Variants in NEBL observed in about 807,000 individuals in gnomAD.
NEBL encodes nebulette.
A neutral mutation model predicts 140.2 loss-of-function variants in NEBL; 122 were observed. That is an observed-to-expected ratio of 0.87 (90% CI 0.75 to 1.01). The LOEUF is 1.01. Ranked by LOEUF, NEBL falls within the 50% of genes least tolerant of loss-of-function variation. The probability of loss-of-function intolerance (pLI) is 0.00; values close to 1 mark genes in which losing one functional copy is unlikely to be tolerated. For synonymous variants in NEBL, 436 were observed against 398.9 expected (o/e 1.09, Z -1.11); for missense variants, 1,365 against 1,231.3 (o/e 1.11, Z -1.62).
intron 4 of NEBL, among the ~76,000 whole-genome samples, chr10:20,955,312 T>C (rs771150483): frequency 6.6e-6 from 1 of 152,182 alleles, no homozygotes; most frequent in Non-Finnish European, 1.5e-5. Flanking sequence ...GAGAATATGA[T>C]GTGTGAAATG....
chr10:20,819,377 AAT>A (rs1207951112), intron 20 of NEBL, 45 bp downstream of exon 20: 4 of 1,613,006 alleles, frequency 2.5e-6, no homozygotes, highest in Non-Finnish European at 3.4e-6. Context: ...TTTAAATAAA[AAT>A]ATGTTATGTT....
chr10:20,805,575 AG>A (rs1837537558), intron 26 of NEBL, among the ~76,000 whole-genome samples: 1 of 152,158 alleles, frequency 6.6e-6, no homozygotes, highest in Non-Finnish European at 1.5e-5. Context: ...CTTTTTGGCC[AG>A]GCACAGTGGC....
chr10:21,050,902 C>T (rs1393889584), intron 2 of NEBL, among the ~76,000 whole-genome samples: 1 of 152,184 alleles, frequency 6.6e-6, no homozygotes, highest in East Asian at 1.9e-4. Context: ...AATAATGCTT[C>T]AGATTCCCTG....
At chr10:20,908,456 C>T (rs1454781832) in intron 4 of NEBL, among the ~76,000 whole-genome samples, 4 of 152,086 alleles carry the variant, frequency 2.6e-5, no homozygotes, top group Non-Finnish European at 4.4e-5. Flanking sequence ...CCCCCATGGG[C>T]GTTAGAAGCA....
intron 3 of NEBL, among the ~76,000 whole-genome samples, chr10:20,994,156 T>G (rs561762993): frequency 6.6e-6 from 1 of 152,358 alleles, no homozygotes; most frequent in South Asian, 2.1e-4. Context: ...AGCTAAATCA[T>G]GTTTTCTCAC....
At chr10:20,891,424 T>C (rs1158638012) in intron 2 of NEBL, among the ~76,000 whole-genome samples, 2 of 152,230 alleles carry the variant, frequency 1.3e-5, no homozygotes, top group African/African-American at 4.8e-5. Flanking sequence ...GAGAAAAAAG[T>C]ATCTCCGTTA....
chr10:21,286,710 T>C (rs534801218), intron 1 of NEBL, among the ~76,000 whole-genome samples: 11 of 152,116 alleles, frequency 7.2e-5, no homozygotes, highest in Non-Finnish European at 1.5e-4. Context: ...GGTGGGCACC[T>C]GTAGTCCCAG....
At chr10:21,030,903 T>C (rs654717) in intron 2 of NEBL, 155,077 of 262,434 alleles carry the variant, frequency 0.59, 46,201 homozygotes, top group East Asian at 0.69. Flanking sequence ...TCAAAAATGG[T>C]ATCTGAAAGA....
intron 2 of NEBL, among the ~76,000 whole-genome samples, chr10:21,044,544 G>C (rs1211307420): frequency 1.3e-5 from 2 of 150,976 alleles, no homozygotes; most frequent in African/African-American, 4.9e-5. Flanking sequence ...CTGTAGCCAA[G>C]TATTTAAATA....
intron 2 of NEBL, among the ~76,000 whole-genome samples, chr10:21,123,451 T>A (rs544644831): frequency 3.3e-5 from 5 of 152,352 alleles, no homozygotes; most frequent in Non-Finnish European, 7.3e-5. Flanking sequence ...ACTTTATTCA[T>A]ACACTGAAGA....
At chr10:21,172,340 C>T (rs56146667) in intron 2 of NEBL, 9 of 1,493,778 alleles carry the variant, frequency 6.0e-6, no homozygotes, top group Non-Finnish European at 8.4e-6. Context: ...CTCTCAAGCT[C>T]TGAGGCTGTG....
At chr10:20,999,909 T>G (rs537861141) in intron 3 of NEBL, among the ~76,000 whole-genome samples, 61 of 152,158 alleles carry the variant, frequency 4.0e-4, no homozygotes, top group African/African-American at 1.4e-3. Flanking sequence ...TGCTGATGTT[T>G]GAGAAAAGAT....
At chr10:20,914,969 A>ATTTTTTTTTTTTTTTTTTTTTTTTTTT (rs71390798) in intron 4 of NEBL, among the ~76,000 whole-genome samples, 63 of 111,198 alleles carry the variant, frequency 5.7e-4, no homozygotes, top group East Asian at 3.9e-3. Flanking sequence ...AGTGGCTGGG[A>ATTTTTTTTTTTTTTTTTTTTTTTTTTT]TTTTTTTTTT....
chr10:20,801,337 TGAGTA>T (rs1379308839), intron 26 of NEBL, among the ~76,000 whole-genome samples: 2 of 151,988 alleles, frequency 1.3e-5, no homozygotes, highest in Non-Finnish European at 2.9e-5. Context: ...CTCAGCCTCC[TGAGTA>T]GCTGGGATTA....
rs368405954 is a variant in NEBL, at chr10:21,089,048, AGAG to A, written c.165-68850_165-68848del. Among the ~76,000 whole-genome samples, 37 of 152,326 alleles carry A rather than the reference AGAG, an allele frequency of 2.4e-4. No individual in the cohort carries two copies. In the East Asian group the frequency reaches 3.9e-3, roughly 16 times the overall value. ...CAATGAGGAGAGATGGTGCAGTGAC[AGAG>A]GAGACAGAAAAAGGGAGGCAGAACA... On this transcript the variant is annotated intron_variant, in intron 2 of 6. Coordinates refer to the NEBL transcript ENST00000417816.
chr10:21,025,690 A>G (rs1005467463), intron 2 of NEBL, among the ~76,000 whole-genome samples: 4 of 152,190 alleles, frequency 2.6e-5, no homozygotes, highest in Non-Finnish European at 4.4e-5. Context: ...TTATAGGAGC[A>G]CAGGAGTCAA....
chr10:20,814,090 A>T (rs1326959672), intron 22 of NEBL, 47 bp from the exon 23 acceptor site: 4 of 1,168,770 alleles, frequency 3.4e-6, no homozygotes, highest in Middle Eastern at 1.9e-4. Context: ...AAAACACATG[A>T]TGTAACATTT....
chr10:20,903,251 A>G (rs550919252), intron 4 of NEBL, among the ~76,000 whole-genome samples: 1 of 152,354 alleles, frequency 6.6e-6, no homozygotes, highest in African/African-American at 2.4e-5. Flanking sequence ...CAAATGGCTC[A>G]CATATGAAAA....
At chr10:20,924,854 A>C (rs1833812434) in intron 4 of NEBL, among the ~76,000 whole-genome samples, 2 of 152,008 alleles carry the variant, frequency 1.3e-5, no homozygotes, top group South Asian at 2.1e-4. Context: ...TGGCGCTATA[A>C]AACTGCAGGA....
Sources: gnomAD v4.1 joint callset for allele counts (sites outside exome capture counted in the v4.1 genomes callset) on GRCh38, gnomAD v4.1.1 for gene constraint, MANE v1.5 for transcripts, NCBI Gene and HGNC (gene_info 2026-07-23, HGNC 2026-07-21) for gene names.